Variants in SOX6 observed in about 807,000 individuals in gnomAD.
SOX6 encodes transcription factor SOX-6.
SOX6 carries 11 observed loss-of-function variants against 97.8 expected under a neutral mutation model. The ratio of observed to expected loss-of-function variants is 0.11; its 90% CI spans 0.07 to 0.19. The LOEUF (loss-of-function observed/expected upper bound fraction) is 0.19, where lower values mean the gene tolerates loss of function less well. Among genes scored for constraint, SOX6 ranks in the 10% least tolerant of loss-of-function variants. The pLI is 1.00. For missense variants in SOX6, 810 were observed against 1,039.5 expected (o/e 0.78, Z 3.04); for synonymous variants, 360 against 371.4 (o/e 0.97, Z 0.35).
At chr11:16,399,694 C>T (rs1858493509) in intron 1 of SOX6, among the ~76,000 whole-genome samples, 1 of 151,388 alleles carries the variant, frequency 6.6e-6, no homozygotes. Flanking sequence ...AGGTTCTTAA[C>T]AGAAGGACTT....
chr11:16,581,840 T>C (rs865937805), intron 4 of SOX6, among the ~76,000 whole-genome samples: 10 of 151,668 alleles, frequency 6.6e-5, no homozygotes, highest in Admixed American at 1.3e-4. Context: ...CACGTGTCTG[T>C]AATCCCAGGT....
intron 6 of SOX6, among the ~76,000 whole-genome samples, chr11:16,149,977 T>C (rs1481947133): frequency 1.3e-5 from 2 of 152,170 alleles, no homozygotes; most frequent in Non-Finnish European, 1.5e-5. Context: ...AATTAAACAA[T>C]TGGGTTTGAA....
intron 1 of SOX6, among the ~76,000 whole-genome samples, chr11:16,451,727 T>A (rs970297488): frequency 1.3e-5 from 2 of 152,008 alleles, no homozygotes; most frequent in African/African-American, 4.8e-5. Context: ...TAATCAACTG[T>A]GAAGTAGTCC....
intron 3 of SOX6, among the ~76,000 whole-genome samples, chr11:16,667,669 C>CA (rs1472198829): frequency 2.0e-5 from 3 of 151,936 alleles, no homozygotes; most frequent in African/African-American, 7.3e-5. Context: ...ACCTATCCTA[C>CA]AAAAAATGCT....
At chr11:16,102,540 T>C (rs1235986107) in intron 7 of SOX6, among the ~76,000 whole-genome samples, 1 of 151,588 alleles carries the variant, frequency 6.6e-6, no homozygotes, top group African/African-American at 2.4e-5. Context: ...CTAAAATATA[T>C]ATGAAACCAA....
chr11:15,968,212 A>G lies in SOX6; in HGVS notation c.*4597T>C, dbSNP rs1006791011. On this transcript the variant is annotated 3_prime_UTR_variant, in exon 16 of 16. Transcript: ENST00000683767. The stretch of plus-strand genomic sequence containing the variant: ...AAATGAGGTCATACAATATTATTAT[A>G]CTTTGAGAAGTGAGCTTAAGTGCCA... 6.6e-6 allele frequency: 1 copy of G among 152,186 alleles called. No homozygotes were observed. The highest frequency in any genetic ancestry group is 6.5e-5 in the Admixed American group (1 of 15,286). 9.4% of individuals were successfully genotyped at this position (152,186 alleles called of 1,614,324 possible). A position where few individuals can be genotyped will look rare whatever the true frequency, so the allele number is the denominator to read the frequency against.
intron 12 of SOX6, among the ~76,000 whole-genome samples, chr11:16,015,857 T>G (rs1050192698): frequency 3.3e-5 from 5 of 152,064 alleles, no homozygotes; most frequent in African/African-American, 1.2e-4. Flanking sequence ...CTCTCCTGAC[T>G]CAAACTTGGC....
intron 1 of SOX6, among the ~76,000 whole-genome samples, chr11:16,380,636 A>C (rs1203120102): frequency 1.3e-5 from 2 of 152,082 alleles, no homozygotes; most frequent in East Asian, 3.8e-4. Context: ...AGCAAATCTC[A>C]TAAACTTATT....
At chr11:16,161,440 G>A (rs1850747685) in intron 6 of SOX6, among the ~76,000 whole-genome samples, 1 of 151,180 alleles carries the variant, frequency 6.6e-6, no homozygotes, top group South Asian at 2.1e-4. Context: ...TAGCTAATAG[G>A]CTCTAGTAGC....
chr11:16,273,667 G>GA (rs1157425214), intron 3 of SOX6, among the ~76,000 whole-genome samples: 10 of 151,424 alleles, frequency 6.6e-5, no homozygotes, highest in Non-Finnish European at 1.0e-4. Context: ...AATCCTGGAA[G>GA]AAAAAAAACA....
At chr11:16,196,215 C>T (rs1034718475) in intron 4 of SOX6, among the ~76,000 whole-genome samples, 1 of 152,136 alleles carries the variant, frequency 6.6e-6, no homozygotes, top group Non-Finnish European at 1.5e-5. Context: ...TTGTTACCTC[C>T]ACTTTAAAGA....
At chr11:16,136,286 T>C (rs1174650408) in intron 6 of SOX6, among the ~76,000 whole-genome samples, 1 of 151,702 alleles carries the variant, frequency 6.6e-6, no homozygotes, top group Non-Finnish European at 1.5e-5. Context: ...CCAAGATCAT[T>C]AGCATTTTTT....
intron 6 of SOX6, among the ~76,000 whole-genome samples, chr11:16,132,811 C>T (rs1849855299): frequency 6.6e-6 from 1 of 151,910 alleles, no homozygotes; most frequent in Admixed American, 6.6e-5. Flanking sequence ...CAAAATCCAC[C>T]AAGTACTGCA....
intron 4 of SOX6, among the ~76,000 whole-genome samples, chr11:16,570,005 A>G (rs1847920568): frequency 6.6e-6 from 1 of 152,132 alleles, no homozygotes; most frequent in South Asian, 2.1e-4. Context: ...GATGATATAA[A>G]TTTGCAAACA....
intron 4 of SOX6, among the ~76,000 whole-genome samples, chr11:16,233,921 C>G (rs1053847368): frequency 6.7e-6 from 1 of 150,220 alleles, no homozygotes; most frequent in African/African-American, 2.5e-5. Flanking sequence ...GCAGGAGAAT[C>G]GCTTGAACCT....
At chr11:16,376,111 G>A (rs1857636699) in intron 1 of SOX6, among the ~76,000 whole-genome samples, 1 of 151,892 alleles carries the variant, frequency 6.6e-6, no homozygotes, top group Non-Finnish European at 1.5e-5. Flanking sequence ...AAACCACCAT[G>A]GCATGTGTAT....
intron 1 of SOX6, among the ~76,000 whole-genome samples, chr11:16,345,437 A>G (rs1328550908): frequency 6.6e-6 from 1 of 151,998 alleles, no homozygotes; most frequent in Non-Finnish European, 1.5e-5. Context: ...CTTCGGGCTT[A>G]GGACTTTTGG....
At chr11:16,268,317 G>A (rs1339108751) in intron 3 of SOX6, among the ~76,000 whole-genome samples, 2 of 151,014 alleles carry the variant, frequency 1.3e-5, no homozygotes, top group Non-Finnish European at 3.0e-5. Flanking sequence ...ACTATAATTT[G>A]TCAATACATA....
intron 3 of SOX6, among the ~76,000 whole-genome samples, chr11:16,700,678 T>C (rs964737520): frequency 6.6e-6 from 1 of 152,210 alleles, no homozygotes; most frequent in Non-Finnish European, 1.5e-5. Context: ...GTTCTAGTAC[T>C]GTTTGCATAC....
Sources: allele counts gnomAD v4.1 joint callset (sites outside exome capture counted in the v4.1 genomes callset), GRCh38; gene constraint gnomAD v4.1.1; transcripts MANE v1.5; gene names NCBI Gene and HGNC (gene_info 2026-07-23, HGNC 2026-07-21).